YWHAE: variants seen among roughly 807,000 people sequenced by gnomAD.
YWHAE encodes tyrosine 3-monooxygenase/tryptophan 5-monooxygenase activation protein epsilon.
A neutral mutation model predicts 30.1 loss-of-function variants in YWHAE; 4 were observed. That is an observed-to-expected ratio of 0.13 (90% CI 0.07 to 0.30). The LOEUF (loss-of-function observed/expected upper bound fraction) is 0.30. Among genes scored for constraint, YWHAE ranks in the 10% least tolerant of loss-of-function variants. The probability of loss-of-function intolerance (pLI) is 1.00; values close to 1 mark genes in which losing one functional copy is unlikely to be tolerated. For synonymous variants in YWHAE, 118 were observed against 111.8 expected (o/e 1.06, Z -0.35); for missense variants, 121 against 315.9 (o/e 0.38, Z 4.68).
chr17:1,364,710 A>C, intron 2 of YWHAE, 149 bp downstream of exon 2: 1 of 1,004,078 alleles, frequency 1.0e-6, no homozygotes, highest in Non-Finnish European at 1.5e-6. Context: ...CTTATAAACC[A>C]GGCACAAAGA....
intron 1 of YWHAE, among the ~76,000 whole-genome samples, chr17:1,370,378 G>T (rs868174098): frequency 2.6e-5 from 4 of 151,728 alleles, no homozygotes; most frequent in African/African-American, 9.7e-5. Flanking sequence ...TGATCCGCCC[G>T]CCTTGGCCTC....
intron 1 of YWHAE, among the ~76,000 whole-genome samples, chr17:1,388,632 A>G (rs886308792): frequency 6.6e-6 from 1 of 150,920 alleles, no homozygotes; most frequent in African/African-American, 2.4e-5. Flanking sequence ...GGCTGGTCTC[A>G]AACTCCTGGC....
intron 3 of YWHAE, 49 bp downstream of exon 3, chr17:1,361,853 A>C: frequency 7.5e-7 from 1 of 1,332,898 alleles, no homozygotes; most frequent in Non-Finnish European, 1.0e-6. Flanking sequence ...TATGGTTCTA[A>C]AAGGACCAAC....
chr17:1,347,867 C>A, intron 5 of YWHAE: 2 of 758,328 alleles, frequency 2.6e-6, no homozygotes, highest in Non-Finnish European at 3.2e-6. Context: ...GTGGAACAGG[C>A]AGAGTCTGTA....
chr17:1,390,899 T>C (rs1164145333), intron 1 of YWHAE, among the ~76,000 whole-genome samples: 1 of 152,174 alleles, frequency 6.6e-6, no homozygotes, highest in Non-Finnish European at 1.5e-5. Context: ...ATCATGGTCA[T>C]ATGGTCTGAA....
intron 3 of YWHAE, 129 bp from the exon 4 acceptor site, chr17:1,361,427 T>C (rs1322404147): frequency 1.5e-6 from 1 of 684,734 alleles, no homozygotes; most frequent in Admixed American, 3.6e-5. Flanking sequence ...TTAGGTGTAC[T>C]TCAATAATTT....
At chr17:1,353,880 TA>T (rs1260084006) in intron 5 of YWHAE, among the ~76,000 whole-genome samples, 3 of 152,140 alleles carry the variant, frequency 2.0e-5, no homozygotes, top group African/African-American at 7.2e-5. Context: ...AAAAACTTCA[TA>T]AATACCTACT....
At chr17:1,361,612 G>A (rs997094527) in intron 3 of YWHAE, 5 of 420,320 alleles carry the variant, frequency 1.2e-5, no homozygotes, top group African/African-American at 8.3e-5. Flanking sequence ...TGGCATGACA[G>A]TTTATTAATC....
At position 1,346,777 on chromosome 17, in the gene YWHAE, A is replaced by G. The variant is rs1295240117; in HGVS notation, c.716-1278T>C. Among the ~76,000 whole-genome samples the G allele has an allele frequency of 6.6e-5, 10 of 151,148 alleles. No homozygotes were observed. The South Asian group carries it at 1.0e-3, about 16-fold the overall frequency. On this transcript the variant is annotated intron_variant, in intron 5 of 5. Coordinates refer to ENST00000264335, the MANE Select transcript of YWHAE (RefSeq NM_006761.5). ...AAAGGCGGGCGGATCACGAGGTCAG[A>G]AGATCAAGACCATCCTGGCTAACAC...
chr17:1,383,514 C>T (rs1321627902), intron 1 of YWHAE, among the ~76,000 whole-genome samples: 1 of 150,854 alleles, frequency 6.6e-6, no homozygotes, highest in African/African-American at 2.4e-5. Flanking sequence ...CAGCCCCTAC[C>T]AGAAGATGGG....
chr17:1,364,952 T>C lies in YWHAE; in HGVS notation c.171A>G (p.Arg57=). 6.2e-7 allele frequency: 1 copy of C among 1,614,162 alleles called. No individual in the cohort carries two copies. The highest frequency in any genetic ancestry group is 8.5e-7 in the Non-Finnish European group (1 of 1,180,014). The change falls in exon 2 of 6, where the codon AGA becomes AGG. Residue 57 remains arginine, a synonymous_variant. Transcript: ENST00000264335. ...VAYKNVIGAR[R]ASWRIISSIE... ...TGCTGCTGATTATTCTCCAGGAGGC[T>C]CTTCTAGCTCCAATCACATTCTTAT...
At chr17:1,393,864 A>G (rs935653183) in intron 1 of YWHAE, among the ~76,000 whole-genome samples, 1 of 152,172 alleles carries the variant, frequency 6.6e-6, no homozygotes, top group African/African-American at 2.4e-5. Flanking sequence ...CCTCATTTTA[A>G]TTTCGCTGTG....
intron 1 of YWHAE, among the ~76,000 whole-genome samples, chr17:1,389,866 A>G (rs920854622): frequency 1.5e-5 from 2 of 134,600 alleles, no homozygotes; most frequent in African/African-American, 5.6e-5. Context: ...TTTTTGAGAC[A>G]GAGTTTTGCT....
rs1271693892 is a variant in YWHAE at position 1,388,103 on chromosome 17, TTTTTTTTTTGGTTGG to T, written c.64+11929_64+11943del. Among the ~76,000 whole-genome samples the T allele has an allele frequency of 2.4e-3, 113 of 46,724 alleles. 6 individuals are homozygous for T. The highest frequency in any genetic ancestry group is 6.4e-3 in the African/African-American group (50 of 7,856). 30.7% of individuals were successfully genotyped at this position (46,724 alleles called of 152,430 possible). On this transcript the variant is annotated intron_variant, in intron 1 of 5. Transcript: ENST00000264335. ...ACCACCACGCCTGGGTAATTTTTGT[TTTTTTTTTTGGTTGG>T]TTTTTTTTTTTTTTTTTTTTTTTTA...
At position 1,394,436 on chromosome 17, in the gene YWHAE, C is replaced by CAAAA. The variant is rs544115909; in HGVS notation, c.64+5607_64+5610dup. Among the ~76,000 whole-genome samples the CAAAA allele has an allele frequency of 2.2e-3, 127 of 58,528 alleles. 1 individual carries two copies. The highest frequency in any genetic ancestry group is 8.3e-3 in the African/African-American group (94 of 11,334). The allele number at this position is 58,528 out of a possible 152,430, so 38.4% of individuals were successfully genotyped here. Reference sequence around the variant, plus strand: ...GGGCAACATAGAGACCTCAAATCCACAAAAAAAAAAAAAAAAAAAAAAAAA... The same window carrying CAAAA: ...GGGCAACATAGAGACCTCAAATCCACAAAAAAAAAAAAAAAAAAAAAAAAAAAAA... On this transcript the variant is annotated intron_variant, in intron 1 of 5. Transcript: ENST00000264335.
intron 2 of YWHAE, among the ~76,000 whole-genome samples, chr17:1,362,852 A>T (rs2072884851): frequency 6.6e-6 from 1 of 152,012 alleles, no homozygotes; most frequent in African/African-American, 2.4e-5. Flanking sequence ...TCCAATAGAG[A>T]CTGGTCTAGG....
intron 2 of YWHAE, chr17:1,364,644 A>G: frequency 1.7e-6 from 1 of 599,200 alleles, no homozygotes; most frequent in Non-Finnish European, 2.9e-6. Flanking sequence ...CATGGAAAAT[A>G]CCAAACCTGA....
At chr17:1,377,076 G>A (rs1011592510) in intron 1 of YWHAE, among the ~76,000 whole-genome samples, 2 of 151,926 alleles carry the variant, frequency 1.3e-5, no homozygotes, top group African/African-American at 2.4e-5. Context: ...AACGTGCACG[G>A]CTAATTTTTA....
At chr17:1,350,189 T>TA (rs1406255889) in intron 5 of YWHAE, among the ~76,000 whole-genome samples, 1 of 151,790 alleles carries the variant, frequency 6.6e-6, no homozygotes, top group African/African-American at 2.4e-5. Flanking sequence ...TGACCTCAGG[T>TA]GATCCACCCG....
Sources: gnomAD v4.1 joint callset for allele counts (sites outside exome capture counted in the v4.1 genomes callset) on GRCh38, gnomAD v4.1.1 for gene constraint, MANE v1.5 for transcripts, NCBI Gene and HGNC (gene_info 2026-07-23, HGNC 2026-07-21) for gene names.